The following ASB3 variants were observed in gnomAD, a reference collection of about 807,000 sequenced individuals.
ASB3 encodes the protein ankyrin repeat and SOCS box protein 3.
In ASB3, 41 loss-of-function variants were observed where a neutral mutation model predicts 54.5. The observed-to-expected ratio is 0.75, with a 90% confidence interval of 0.59 to 0.98. The LOEUF (loss-of-function observed/expected upper bound fraction) is 0.98, where lower values mean the gene tolerates loss of function less well. ASB3 is among the 50% of genes least tolerant of loss of function. The pLI is 0.00. For synonymous variants in ASB3, 266 were observed against 221.2 expected (o/e 1.20, Z -1.80); for missense variants, 733 against 620.0 (o/e 1.18, Z -1.94).
chr2:53,714,027 T>C (rs189839684), intron 7 of ASB3, among the ~76,000 whole-genome samples: 16 of 152,300 alleles, frequency 1.1e-4, no homozygotes, highest in African/African-American at 3.8e-4. Context: ...AAACGGTAAA[T>C]GACCTGAAGC....
At chr2:53,685,885 T>C (rs1332517074) in intron 9 of ASB3, among the ~76,000 whole-genome samples, 1 of 152,184 alleles carries the variant, frequency 6.6e-6, no homozygotes, top group Non-Finnish European at 1.5e-5. Flanking sequence ...GGTCTTAAAA[T>C]TCCACAATCT....
At chr2:53,683,282 T>G (rs1015496262) in intron 9 of ASB3, among the ~76,000 whole-genome samples, 1 of 152,238 alleles carries the variant, frequency 6.6e-6, no homozygotes, top group East Asian at 1.9e-4. Context: ...GATCTGCATA[T>G]GTTGAACCAC....
At chr2:53,758,041 G>T (rs1280673851) in intron 2 of ASB3, among the ~76,000 whole-genome samples, 1 of 152,154 alleles carries the variant, frequency 6.6e-6, no homozygotes, top group Non-Finnish European at 1.5e-5. Context: ...GGGAGAGAGA[G>T]AAAAAGAGAG....
At chr2:53,721,573 A>G (rs1419334376) in intron 5 of ASB3, among the ~76,000 whole-genome samples, 2 of 152,108 alleles carry the variant, frequency 1.3e-5, no homozygotes, top group Non-Finnish European at 2.9e-5. Context: ...CTGTCTCAAA[A>G]TCAAACAAAC....
chr2:53,699,747 A>T (rs1180844915), intron 8 of ASB3, among the ~76,000 whole-genome samples: 1 of 152,146 alleles, frequency 6.6e-6, no homozygotes, highest in Non-Finnish European at 1.5e-5. Flanking sequence ...TTGCCCCCCA[A>T]AAAATTCTGA....
At chr2:53,754,111 T>G (rs1024822030) in intron 2 of ASB3, among the ~76,000 whole-genome samples, 1 of 152,002 alleles carries the variant, frequency 6.6e-6, no homozygotes, top group Non-Finnish European at 1.5e-5. Flanking sequence ...AAAGAGACAA[T>G]AGGAGCCACT....
intron 3 of ASB3, among the ~76,000 whole-genome samples, chr2:53,750,325 G>A (rs772567384): frequency 2.0e-5 from 3 of 152,136 alleles, no homozygotes; most frequent in Non-Finnish European, 4.4e-5. Context: ...TGTAACAGAA[G>A]AGGTCTGAAT....
chr2:53,764,233 T>G (rs1048501431), intron 2 of ASB3, among the ~76,000 whole-genome samples: 2 of 152,110 alleles, frequency 1.3e-5, no homozygotes, highest in East Asian at 3.9e-4. Flanking sequence ...TGAAATGAAA[T>G]TGGTTCTGAG....
intron 9 of ASB3, among the ~76,000 whole-genome samples, chr2:53,683,456 T>C (rs940621612): frequency 7.2e-5 from 11 of 152,124 alleles, no homozygotes; most frequent in Admixed American, 1.3e-4. Flanking sequence ...TTGATGTGTC[T>C]TTGTCTGGTT....
intron 7 of ASB3, among the ~76,000 whole-genome samples, chr2:53,701,379 A>G (rs1481550835): frequency 1.3e-5 from 2 of 152,244 alleles, no homozygotes; most frequent in African/African-American, 4.8e-5. Flanking sequence ...GTAGATGCAA[A>G]AACTGAAGCT....
intron 2 of ASB3, among the ~76,000 whole-genome samples, chr2:53,764,487 TAAA>T (rs1343137996): frequency 1.3e-5 from 2 of 152,186 alleles, no homozygotes; most frequent in East Asian, 3.8e-4. Flanking sequence ...AAATATTAGA[TAAA>T]GAAGATAAAT....
chr2:53,744,850 T>C (rs1484157882), intron 3 of ASB3, among the ~76,000 whole-genome samples: 1 of 152,260 alleles, frequency 6.6e-6, no homozygotes, highest in Non-Finnish European at 1.5e-5. Context: ...AGCTGAAGTA[T>C]GACACATTTT....
intron 1 of ASB3, chr2:53,772,007 C>T (rs1673953655): frequency 1.1e-6 from 1 of 902,874 alleles, no homozygotes; most frequent in African/African-American, 1.7e-5. Flanking sequence ...GTTTCTGTTT[C>T]AATTTGATTA....
chr2:53,739,476 CT>C (rs973929194), intron 3 of ASB3, among the ~76,000 whole-genome samples: 6 of 151,980 alleles, frequency 3.9e-5, no homozygotes, highest in Admixed American at 3.9e-4. Context: ...AAAGAAAAAG[CT>C]TTTTTAAGGG....
At chr2:53,701,510 A>G (rs547369267) in intron 7 of ASB3, among the ~76,000 whole-genome samples, 2 of 152,294 alleles carry the variant, frequency 1.3e-5, no homozygotes, top group African/African-American at 4.8e-5. Context: ...TGAACACTTC[A>G]TGATATAGCC....
chr2:53,765,876 C>T (rs549570761), intron 1 of ASB3, among the ~76,000 whole-genome samples: 9 of 152,102 alleles, frequency 5.9e-5, no homozygotes, highest in African/African-American at 1.9e-4. Flanking sequence ...GCTTCTGCTC[C>T]TGTTCATACC....
chr2:53,733,628 G>A (rs990013908), intron 3 of ASB3, among the ~76,000 whole-genome samples: 17 of 152,098 alleles, frequency 1.1e-4, no homozygotes, highest in Non-Finnish European at 1.9e-4. Flanking sequence ...TTTTAGTAGA[G>A]ACAGGGTTTC....
intron 9 of ASB3, 142 bp downstream of exon 9, chr2:53,693,742 C>A: frequency 8.5e-7 from 1 of 1,172,614 alleles, no homozygotes; most frequent in South Asian, 2.0e-5. Context: ...CCTAACAACC[C>A]CATCTTTTCC....
intron 1 of ASB3, chr2:53,767,268 C>T (rs1433070221): frequency 1.3e-5 from 2 of 152,218 alleles, no homozygotes; most frequent in Admixed American, 1.3e-4. Context: ...GAAATGACAG[C>T]TACTCTTTCA....
Sources: gnomAD v4.1 joint callset for allele counts (sites outside exome capture counted in the v4.1 genomes callset) on GRCh38, gnomAD v4.1.1 for gene constraint, MANE v1.5 for transcripts, NCBI Gene and HGNC (gene_info 2026-07-23, HGNC 2026-07-21) for gene names.